BLTP2: variants seen among roughly 807,000 people sequenced by gnomAD.
The protein encoded by BLTP2 is bridge-like lipid transfer protein family member 2.
the BLTP2 span, chr17:28,620,171 A>G: frequency 1.4e-6 from 1 of 705,770 alleles, no homozygotes. Context: ...GTCAATGCAG[A>G]AAATGTGGCA....
the BLTP2 span, chr17:28,616,393 G>A: frequency 7.4e-6 from 12 of 1,614,024 alleles, no homozygotes; most frequent in African/African-American, 2.7e-5. This position sits in a 1 kb window ranked among gnomAD's most constrained non-coding sequence, Gnocchi z 4.8. Context: ...GGCGATTTGC[G>A]AAATGACCTT....
the BLTP2 span, chr17:28,638,274 A>G: frequency 5.3e-5 from 86 of 1,612,560 alleles, no homozygotes; most frequent in Non-Finnish European, 7.2e-5. Context: ...GGAGTCCAGA[A>G]CAAGTGCCTC....
At chr17:28,618,617 T>C in the BLTP2 span, 5 of 543,812 alleles carry the variant, frequency 9.2e-6, no homozygotes, top group Non-Finnish European at 1.6e-5. Context: ...CAGATATATC[T>C]AAGGAAGCTC....
the BLTP2 span, chr17:28,623,899 T>C: frequency 6.2e-7 from 1 of 1,614,194 alleles, no homozygotes; most frequent in Non-Finnish European, 8.5e-7. Flanking sequence ...GTGCTGGCAC[T>C]GCAGCAGTTG....
the BLTP2 span, chr17:28,628,337 T>C: frequency 8.6e-3 from 13,821 of 1,614,200 alleles, 107 homozygotes; most frequent in Non-Finnish European, 8.7e-3. Context: ...GAGGCACTAG[T>C]TGGGACACCC....
chr17:28,634,832 G>A, the BLTP2 span: 1 of 1,613,746 alleles, frequency 6.2e-7, no homozygotes, highest in Non-Finnish European at 8.5e-7. Context: ...TGCTGCTTCC[G>A]AAGGGCGGCC....
At chr17:28,615,506 G>C in the BLTP2 span, among the ~76,000 whole-genome samples, 1 of 152,234 alleles carries the variant, frequency 6.6e-6, no homozygotes, top group Admixed American at 6.5e-5. Flanking sequence ...AATAATCTGA[G>C]TGAGGTCATG....
chr17:28,638,475 G>C, the BLTP2 span: 12 of 1,598,516 alleles, frequency 7.5e-6, no homozygotes, highest in South Asian at 8.8e-5. Flanking sequence ...ATTGGGCCTA[G>C]CTCCACTAAC....
At chr17:28,644,584 G>A in the BLTP2 span, among the ~76,000 whole-genome samples, 1 of 152,212 alleles carries the variant, frequency 6.6e-6, no homozygotes, top group African/African-American at 2.4e-5. Flanking sequence ...CCACGAGAAG[G>A]CACTTTGAGG....
the BLTP2 span, chr17:28,635,095 T>C: frequency 1.6e-5 from 26 of 1,611,298 alleles, no homozygotes; most frequent in Admixed American, 3.3e-5. Context: ...AAAGTCATAC[T>C]GATAAGGAAA....
chr17:28,627,178 T>C, the BLTP2 span, among the ~76,000 whole-genome samples: 790 of 152,262 alleles, frequency 5.2e-3, 5 homozygotes, highest in Non-Finnish European at 8.6e-3. Context: ...AGTGAGGGAA[T>C]AGAAAAAACA....
the BLTP2 span, chr17:28,644,010 T>G: frequency 9.0e-6 from 14 of 1,558,078 alleles, no homozygotes; most frequent in African/African-American, 1.4e-5. Context: ...GAGTTTAAAT[T>G]CAATTGGATC....
the BLTP2 span, chr17:28,616,347 C>CAT: frequency 5.0e-6 from 8 of 1,614,020 alleles, no homozygotes; most frequent in East Asian, 1.8e-4. This position sits in a 1 kb window ranked among gnomAD's most constrained non-coding sequence, Gnocchi z 4.8. Flanking sequence ...AAGACTCTCC[C>CAT]ATTTTTCTAT....
At chr17:28,635,437 C>T in the BLTP2 span, 1 of 1,614,116 alleles carries the variant, frequency 6.2e-7, no homozygotes, top group South Asian at 1.1e-5. Flanking sequence ...AGGGGCACGG[C>T]CTTCTAGCTC....
chr17:28,626,039 G>A, the BLTP2 span, among the ~76,000 whole-genome samples: 13 of 152,152 alleles, frequency 8.5e-5, no homozygotes, highest in South Asian at 2.1e-4. Flanking sequence ...CTGGGACTAC[G>A]GGCGTGAGCC....
chr17:28,643,123 T>C, the BLTP2 span: 3 of 1,611,650 alleles, frequency 1.9e-6, no homozygotes, highest in Non-Finnish European at 1.7e-6. Context: ...AAGCCAACCA[T>C]GCCAAAGTAC....
the BLTP2 span, chr17:28,616,635 G>A: frequency 6.2e-7 from 1 of 1,614,166 alleles, no homozygotes; most frequent in South Asian, 1.1e-5. This position sits in a 1 kb window ranked among gnomAD's most constrained non-coding sequence, Gnocchi z 4.8. Context: ...CACCAGTTTG[G>A]ACTTATCCTC....
chr17:28,640,376 G>A, the BLTP2 span: 1 of 618,892 alleles, frequency 1.6e-6, no homozygotes, highest in South Asian at 2.0e-5. Context: ...CTGGGCAACA[G>A]AGCAAGACTC....
At chr17:28,622,585 C>T in the BLTP2 span, among the ~76,000 whole-genome samples, 2 of 152,190 alleles carry the variant, frequency 1.3e-5, no homozygotes, top group African/African-American at 4.8e-5. Context: ...TAATAACGCA[C>T]AATATTGCCT....
Sources: gnomAD v4.1 joint callset for allele counts (sites outside exome capture counted in the v4.1 genomes callset) on GRCh38, gnomAD v4.1.1 for gene constraint, Gnocchi (gnomAD v3.1) non-coding constraint, MANE v1.5 for transcripts, NCBI Gene and HGNC (gene_info 2026-07-23, HGNC 2026-07-21) for gene names.